Variants in SMC5 observed in about 807,000 individuals in gnomAD.
SMC5 encodes structural maintenance of chromosomes 5.
SMC5 carries 88 observed loss-of-function variants against 148.3 expected under a neutral mutation model. That is an observed-to-expected ratio of 0.59 (90% CI 0.50 to 0.71). The LOEUF (loss-of-function observed/expected upper bound fraction) is 0.71. Among genes scored for constraint, SMC5 ranks in the 30% least tolerant of loss-of-function variants. The pLI is 0.00. For missense variants in SMC5, 1,142 were observed against 1,298.9 expected (o/e 0.88, Z 1.86); for synonymous variants, 421 against 432.8 (o/e 0.97, Z 0.34).
At chr9:70,326,238 G>A (rs914872928) in intron 17 of SMC5, among the ~76,000 whole-genome samples, 1 of 152,108 alleles carries the variant, frequency 6.6e-6, no homozygotes, top group Admixed American at 6.6e-5. Context: ...GGGTGCAAGG[G>A]ATCTTTTTGG....
chr9:70,275,053 G>C (rs2034551040), intron 3 of SMC5, among the ~76,000 whole-genome samples: 1 of 152,022 alleles, frequency 6.6e-6, no homozygotes, highest in African/African-American at 2.4e-5. Context: ...GATATTTGAA[G>C]TTTTCTTTTA....
intron 6 of SMC5, 58 bp downstream of exon 6, chr9:70,280,957 G>T (rs1388344697): frequency 6.3e-7 from 1 of 1,579,498 alleles, no homozygotes; most frequent in East Asian, 2.2e-5. Context: ...GAGTAATTAT[G>T]ATGAAAGTAT....
chr9:70,286,334 C>G, intron 8 of SMC5, 63 bp downstream of exon 8: 1 of 1,023,618 alleles, frequency 9.8e-7, no homozygotes, highest in Non-Finnish European at 1.5e-6. Context: ...TTTTCAAATA[C>G]AGATTATGAG....
At chr9:70,307,701 A>G (rs957136520) in intron 11 of SMC5, among the ~76,000 whole-genome samples, 1 of 152,114 alleles carries the variant, frequency 6.6e-6, no homozygotes, top group South Asian at 2.1e-4. Flanking sequence ...ACGGGGTTTC[A>G]CCATGTTGAC....
chr9:70,342,296 G>A (rs1271659903), intron 17 of SMC5, among the ~76,000 whole-genome samples: 1 of 149,986 alleles, frequency 6.7e-6, no homozygotes, highest in Admixed American at 6.7e-5. Flanking sequence ...GCTAGATGAC[G>A]AGTTAATGGG....
intron 17 of SMC5, among the ~76,000 whole-genome samples, chr9:70,340,862 G>T (rs1025661336): frequency 3.3e-5 from 5 of 151,962 alleles, no homozygotes; most frequent in Non-Finnish European, 7.4e-5. Flanking sequence ...TCCATAAAAA[G>T]AATTTTAGAA....
At chr9:70,261,288 A>T (rs75653590) in intron 1 of SMC5, among the ~76,000 whole-genome samples, 1 of 152,290 alleles carries the variant, frequency 6.6e-6, no homozygotes, top group East Asian at 1.9e-4. Flanking sequence ...GTTCTGTGTT[A>T]TTCTGGAAGC....
intron 19 of SMC5, 114 bp downstream of exon 19, chr9:70,346,763 C>A: frequency 9.4e-7 from 1 of 1,066,684 alleles, no homozygotes. Context: ...ATTCTCTTAA[C>A]TCTCCTGTAG....
At chr9:70,331,503 G>C (rs1435662661) in intron 17 of SMC5, among the ~76,000 whole-genome samples, 1 of 143,046 alleles carries the variant, frequency 7.0e-6, no homozygotes, top group African/African-American at 2.6e-5. Flanking sequence ...TTATGGTTAT[G>C]GGTTTTTTTT....
chr9:70,286,875 C>G (rs1312133338), intron 8 of SMC5: 2 of 152,040 alleles, frequency 1.3e-5, no homozygotes, highest in African/African-American at 4.8e-5. Flanking sequence ...TGCGACCACA[C>G]CCAGGTACTT....
In SMC5 at chr9:70,347,752, A is replaced by G. The variant is rs898459123; in HGVS notation, c.2769+35A>G. ...TAGTTTTTAATCTTTTTATCATGTG[A>G]TTATTAATGAAATGGGAATGTAGAA... On this transcript the variant is annotated intron_variant, in intron 21 of 24. Transcript: ENST00000361138. 4 of 1,350,352 alleles carry G rather than the reference A, an allele frequency of 3.0e-6. No homozygotes were observed. In the South Asian group the frequency reaches 4.1e-5, roughly 14 times the overall value. 83.6% of individuals were successfully genotyped at this position (1,350,352 alleles called of 1,614,324 possible).
chr9:70,283,844 G>C (rs2034823700), intron 7 of SMC5, among the ~76,000 whole-genome samples: 1 of 152,076 alleles, frequency 6.6e-6, no homozygotes, highest in Admixed American at 6.5e-5. Flanking sequence ...TAAAGATTGT[G>C]TTTTATTCTT....
chr9:70,283,923 T>TTC (rs905991453), intron 7 of SMC5, among the ~76,000 whole-genome samples: 2 of 152,210 alleles, frequency 1.3e-5, no homozygotes, highest in African/African-American at 4.8e-5. Context: ...TTGACTAATG[T>TTC]AAGTTTCATC....
intron 17 of SMC5, among the ~76,000 whole-genome samples, chr9:70,332,345 C>T (rs2036238150): frequency 6.6e-6 from 1 of 151,844 alleles, no homozygotes; most frequent in Non-Finnish European, 1.5e-5. Context: ...CGTGGCAAAA[C>T]CCTGTCTCTA....
At chr9:70,269,724 G>C (rs887498806) in intron 3 of SMC5, among the ~76,000 whole-genome samples, 1 of 152,158 alleles carries the variant, frequency 6.6e-6, no homozygotes, top group Non-Finnish European at 1.5e-5. Flanking sequence ...AAAACCCAAG[G>C]AGATTTTGAA....
chr9:70,317,563 A>C (rs986522948), intron 13 of SMC5, among the ~76,000 whole-genome samples: 1 of 152,090 alleles, frequency 6.6e-6, no homozygotes, highest in Non-Finnish European at 1.5e-5. Flanking sequence ...TTACTTCTTC[A>C]CTTAGACTAT....
chr9:70,272,215 A>G (rs972323437), intron 3 of SMC5, among the ~76,000 whole-genome samples: 1 of 152,210 alleles, frequency 6.6e-6, no homozygotes, highest in Admixed American at 6.5e-5. Flanking sequence ...AGTTTCCATT[A>G]ACTGAGGTAG....
At chr9:70,303,368 A>G (rs959576561) in intron 10 of SMC5, among the ~76,000 whole-genome samples, 4 of 152,088 alleles carry the variant, frequency 2.6e-5, no homozygotes, top group Non-Finnish European at 5.9e-5. Flanking sequence ...TACCCTTTCT[A>G]TAAGTTATCG....
rs1258471672 is a variant in SMC5, at chr9:70,353,631, G to T, written c.*1300G>T. 1 of 152,004 alleles carries T rather than the reference G, an allele frequency of 6.6e-6. No homozygotes were observed. The highest frequency in any genetic ancestry group is 2.4e-5 in the African/African-American group (1 of 41,390). The allele number at this position is 152,004 out of a possible 1,614,324, so 9.4% of individuals were successfully genotyped here. On this transcript the variant is annotated 3_prime_UTR_variant, in exon 25 of 25. Transcript: ENST00000361138. ...CATTGAAATTTATATTCTTAACTAG[G>T]TCAAAAAATAATGAGCCATAAGTTT...
Sources: gnomAD v4.1 joint callset for allele counts (sites outside exome capture counted in the v4.1 genomes callset) on GRCh38, gnomAD v4.1.1 for gene constraint, MANE v1.5 for transcripts, NCBI Gene and HGNC (gene_info 2026-07-23, HGNC 2026-07-21) for gene names.